Variants in DIP2C observed in about 807,000 individuals in gnomAD.
The protein encoded by DIP2C is DIP2 acetate--CoA ligase C (putative).
In DIP2C, 33 loss-of-function variants were observed where a neutral mutation model predicts 192.4. That is an observed-to-expected ratio of 0.17 (90% CI 0.13 to 0.23). The LOEUF (loss-of-function observed/expected upper bound fraction) is 0.23, where lower values mean the gene tolerates loss of function less well. Ranked by LOEUF, DIP2C falls within the 10% of genes least tolerant of loss-of-function variation. The pLI is 1.00. For synonymous variants in DIP2C, 979 were observed against 864.1 expected, an observed-to-expected ratio of 1.13 and a Z score of -2.33; for missense variants, 1,537 against 2,110.1, an observed-to-expected ratio of 0.73 and a Z score of 5.32.
intron 28 of DIP2C, 135 bp from the exon 29 acceptor site, chr10:341,464 G>T (rs12243453): frequency 5.4e-6 from 7 of 1,296,980 alleles, no homozygotes. Context: ...GGGACAATAC[G>T]GGGCTGCACT....
rs531869050 is a variant in DIP2C, at chr10:636,685, T to C, written c.85+52809A>G. Among the ~76,000 whole-genome samples the C allele has an allele frequency of 1.5e-4, 23 of 152,326 alleles. No homozygotes were observed. In the South Asian group the frequency reaches 2.3e-3, roughly 15 times the overall value. On this transcript the variant is annotated intron_variant, in intron 1 of 36. Coordinates refer to ENST00000280886, the MANE Select transcript of DIP2C (RefSeq NM_014974.3). The surrounding 1 kb of genome is among the most constrained non-coding windows in gnomAD (Gnocchi z 4.6). Reference sequence around the variant, plus strand: ...GAGTGACTCTCCTTCCCCATCTTCGTCAGGGACAGCCTCACACCCTTTATC... The same window carrying C: ...GAGTGACTCTCCTTCCCCATCTTCGCCAGGGACAGCCTCACACCCTTTATC...
chr10:643,636 G>T (rs1044215646), intron 1 of DIP2C, among the ~76,000 whole-genome samples: 1 of 152,232 alleles, frequency 6.6e-6, no homozygotes, highest in Admixed American at 6.5e-5. Context: ...CACCTGCCTT[G>T]ATGTCACTAC....
Position 560,273 on chromosome 10 carries a change from C to T in DIP2C, c.86-73743G>A, listed in dbSNP as rs566593686. ...CAAGGTGGACAGGATGGAGGAGTCA[C>T]AAAGAGGGGAGGTTCGGAGAATGAG... On this transcript the variant is annotated intron_variant, in intron 1 of 36. Coordinates refer to ENST00000280886, the MANE Select transcript of DIP2C (RefSeq NM_014974.3). 1.6e-3 allele frequency among the ~76,000 whole-genome samples: 250 copies of T among 152,076 alleles called. 2 individuals are homozygous for T. Among genetic ancestry groups the T allele is most frequent in the African/African-American group, 5.1e-3 (213 of 41,458 alleles).
At chr10:419,340 C>G in intron 5 of DIP2C, 141 bp from the exon 6 acceptor site, 1 of 1,185,382 alleles carries the variant, frequency 8.4e-7, no homozygotes, top group Non-Finnish European at 1.2e-6. Flanking sequence ...ATCTCAGCCG[C>G]ATCTGCCACA....
At chr10:557,516 C>G (rs919520159) in intron 1 of DIP2C, among the ~76,000 whole-genome samples, 1 of 151,268 alleles carries the variant, frequency 6.6e-6, no homozygotes, top group African/African-American at 2.4e-5. Context: ...TCATCTGTTC[C>G]CACGACATCA....
intron 17 of DIP2C, among the ~76,000 whole-genome samples, chr10:374,730 T>C (rs1022640351): frequency 6.6e-6 from 1 of 152,152 alleles, no homozygotes; most frequent in Non-Finnish European, 1.5e-5. Context: ...ATGATATTTA[T>C]CTCCATCAAC....
intron 31 of DIP2C, among the ~76,000 whole-genome samples, chr10:325,641 G>A (rs1018270678): frequency 8.5e-5 from 13 of 152,136 alleles, no homozygotes; most frequent in Admixed American, 2.0e-4. Context: ...GATAGATGGC[G>A]ATAAACATTT....
chr10:402,711 A>G lies in DIP2C; in HGVS notation c.1150-3492T>C, dbSNP rs537171103. 6.2e-3 allele frequency among the ~76,000 whole-genome samples: 84 copies of G among 13,522 alleles called. 1 individual carries two copies. Among genetic ancestry groups the G allele is most frequent in the Non-Finnish European group, 0.019 (2 of 104 alleles). The allele number at this position is 13,522 out of a possible 152,430, so 8.9% of individuals were successfully genotyped here. On this transcript the variant is annotated intron_variant, in intron 9 of 36. Transcript: ENST00000280886. ...ATGTGTTCATCAGCACATGAATCCT[A>G]TGATTTTACATGTGTGGTAGCATTA...
At chr10:655,214 G>A (rs1478306175) in intron 1 of DIP2C, among the ~76,000 whole-genome samples, 1 of 152,194 alleles carries the variant, frequency 6.6e-6, no homozygotes, top group African/African-American at 2.4e-5. Flanking sequence ...GGGGCAACCA[G>A]CAACCTGCTC....
rs367791838 is a variant in DIP2C at position 557,033 on chromosome 10, C to T, written c.86-70503G>A. ...GGAGCCAGCCCTCGATGGTCCCACA[C>T]GGCTGTGTGCTCCCTCCTGCAGAGC... On this transcript the variant is annotated intron_variant, in intron 1 of 36. Coordinates refer to ENST00000280886, the MANE Select transcript of DIP2C (RefSeq NM_014974.3). Among the ~76,000 whole-genome samples the T allele has an allele frequency of 1.7e-4, 26 of 152,356 alleles. 1 individual carries two copies. In the East Asian group the frequency reaches 3.7e-3, roughly 21 times the overall value.
At position 505,691 on chromosome 10, in the gene DIP2C, T is replaced by C. The variant is rs531798567; in HGVS notation, c.86-19161A>G. ...CAGCTGTGCTTCCTGTGGGTGCCCC[T>C]GACGCCACAGGAGATGGGGACCACC... On this transcript the variant is annotated intron_variant, in intron 1 of 36. Coordinates refer to ENST00000280886, the MANE Select transcript of DIP2C (RefSeq NM_014974.3). 1.1e-4 allele frequency among the ~76,000 whole-genome samples: 17 copies of C among 150,586 alleles called. 1 individual carries two copies. The South Asian group carries it at 3.4e-3, about 30-fold the overall frequency.
chr10:687,243 A>G (rs1007339109), intron 1 of DIP2C, among the ~76,000 whole-genome samples: 3 of 152,250 alleles, frequency 2.0e-5, no homozygotes, highest in African/African-American at 7.2e-5. Context: ...GCAATACTGG[A>G]AAACAAGTTG....
At chr10:609,802 T>TGA (rs1852945734) in intron 1 of DIP2C, among the ~76,000 whole-genome samples, 1 of 152,202 alleles carries the variant, frequency 6.6e-6, no homozygotes, top group African/African-American at 2.4e-5. Flanking sequence ...GGATCTTATG[T>TGA]GAGGCAATGT....
chr10:378,219 G>A (rs1214604746), intron 17 of DIP2C, among the ~76,000 whole-genome samples: 1 of 152,158 alleles, frequency 6.6e-6, no homozygotes, highest in African/African-American at 2.4e-5. Context: ...GTTTTAAAGA[G>A]AAAAAAATAC....
chr10:538,515 G>A (rs11253071), intron 1 of DIP2C, among the ~76,000 whole-genome samples: 10 of 152,160 alleles, frequency 6.6e-5, no homozygotes, highest in African/African-American at 1.4e-4. Context: ...CTTCCAGTCC[G>A]GACCGTACAG....
At chr10:478,837 G>C (rs1484318366) in intron 2 of DIP2C, among the ~76,000 whole-genome samples, 8 of 152,234 alleles carry the variant, frequency 5.3e-5, no homozygotes, top group African/African-American at 1.7e-4. Flanking sequence ...GGGCGTGCTG[G>C]GGGTGCAGAT....
chr10:317,651 A>C (rs1387140750), intron 31 of DIP2C, among the ~76,000 whole-genome samples: 1 of 152,226 alleles, frequency 6.6e-6, no homozygotes, highest in African/African-American at 2.4e-5. Context: ...AGCCAGGCGA[A>C]CACTTGAAGC....
At chr10:593,162 TC>T (rs1851499689) in intron 1 of DIP2C, among the ~76,000 whole-genome samples, 1 of 151,982 alleles carries the variant, frequency 6.6e-6, no homozygotes, top group African/African-American at 2.4e-5. Context: ...TCTGCCGCCT[TC>T]CTGCAGGACC....
At chr10:683,740 T>G (rs1251761050) in intron 1 of DIP2C, among the ~76,000 whole-genome samples, 1 of 152,198 alleles carries the variant, frequency 6.6e-6, no homozygotes, top group Non-Finnish European at 1.5e-5. Flanking sequence ...TCAGCCAATG[T>G]GCACAGCATC....
Sources: gnomAD v4.1 joint callset for allele counts (sites outside exome capture counted in the v4.1 genomes callset) on GRCh38, gnomAD v4.1.1 for gene constraint, Gnocchi (gnomAD v3.1) non-coding constraint, MANE v1.5 for transcripts, NCBI Gene and HGNC (gene_info 2026-07-23, HGNC 2026-07-21) for gene names.